Variants in ERMP1 observed in about 807,000 individuals in gnomAD.
ERMP1 encodes the protein endoplasmic reticulum metallopeptidase 1.
Under a neutral mutation model 92.0 loss-of-function variants are expected in ERMP1, and 86 were observed. The observed-to-expected ratio is 0.93, with a 90% confidence interval of 0.79 to 1.12. ERMP1 has a LOEUF of 1.12. ERMP1 is among the 50% of genes most tolerant of loss of function. The pLI is 0.00. For missense variants in ERMP1, 1,342 were observed against 1,116.3 expected (o/e 1.20, Z -2.88); for synonymous variants, 530 against 412.8 (o/e 1.28, Z -3.44).
chr9:5,829,398 T>C (rs562485744), intron 2 of ERMP1, among the ~76,000 whole-genome samples: 1 of 152,312 alleles, frequency 6.6e-6, no homozygotes, highest in East Asian at 1.9e-4. Flanking sequence ...ATCAAGCAAA[T>C]AAATTTTACT....
chr9:5,860,225 A>C lies in ERMP1; in HGVS notation n.3056-614T>G, dbSNP rs190268678. On this transcript the variant is annotated intron_variant and non_coding_transcript_variant, in intron 5 of 6. Transcript: ENST00000690753. ...GAGGCTGAGTCAGGAGGATTGCTTG[A>C]GCCCAGGAAATAGAGGTTGCAGTAA... Among the ~76,000 whole-genome samples, 80 of 151,412 alleles carry C rather than the reference A, an allele frequency of 5.3e-4. No homozygotes were observed. In the South Asian group the frequency reaches 5.8e-3, roughly 11 times the overall value.
chr9:5,863,764 G>T lies in ERMP1; in HGVS notation n.3055+4038C>A, dbSNP rs140360826. On this transcript the variant is annotated intron_variant and non_coding_transcript_variant, in intron 5 of 6. Transcript: ENST00000690753. ...TACATGTATTCATCATCAAAACTTAGCAGACATATGTGTATCTTTTATTAT... is the reference window on the plus strand; with the variant it reads ...TACATGTATTCATCATCAAAACTTATCAGACATATGTGTATCTTTTATTAT... Among the ~76,000 whole-genome samples the T allele has an allele frequency of 4.1e-3, 626 of 152,248 alleles. 14 individuals are homozygous for T. The highest frequency in any genetic ancestry group is 1.5e-3 in the Non-Finnish European group (100 of 68,018).
At chr9:5,801,083 G>T (rs1246248577) in intron 11 of ERMP1, 93 bp downstream of exon 11, 3 of 1,368,842 alleles carry the variant, frequency 2.2e-6, no homozygotes, top group Non-Finnish European at 3.0e-6. Context: ...GTCAACAGCA[G>T]AAAAGTCAGC....
In ERMP1 at chr9:5,786,984, C is replaced by A; in HGVS notation, c.*160G>T. On this transcript the variant is annotated 3_prime_UTR_variant, in exon 15 of 15. Coordinates refer to ENST00000339450, the MANE Select transcript of ERMP1 (RefSeq NM_024896.3). Reference sequence around the variant, plus strand: ...TGCATCACTGCGCCACAGCTAAACCCTTATAGTGCTTGGCCCTGAAAAGCG... The same window carrying A: ...TGCATCACTGCGCCACAGCTAAACCATTATAGTGCTTGGCCCTGAAAAGCG... 1.5e-6 allele frequency: 1 copy of A among 688,278 alleles called. No homozygotes were observed. Among genetic ancestry groups the A allele is most frequent in the Non-Finnish European group, 2.3e-6 (1 of 429,602 alleles). 42.6% of individuals were successfully genotyped at this position (688,278 alleles called of 1,614,324 possible).
intron 6 of ERMP1, among the ~76,000 whole-genome samples, chr9:5,850,011 G>C (rs1167740247): frequency 6.6e-6 from 1 of 152,158 alleles, no homozygotes; most frequent in Non-Finnish European, 1.5e-5. Context: ...AGGCACCACA[G>C]GTTATTTCTT....
chr9:5,821,074 C>A (rs1212083875), intron 4 of ERMP1, among the ~76,000 whole-genome samples: 1 of 152,088 alleles, frequency 6.6e-6, no homozygotes, highest in Non-Finnish European at 1.5e-5. Flanking sequence ...GTATGACACC[C>A]CTCCAAAAAA....
upstream of ERMP1, among the ~76,000 whole-genome samples, chr9:5,836,012 A>G (rs79339884): frequency 0.03 from 4,587 of 152,306 alleles, 115 homozygotes; most frequent in Middle Eastern, 0.11. Context: ...GCTATTGATC[A>G]TGGGGTTGAG....
chr9:5,855,568 T>C (rs1227331656), intron 6 of ERMP1, among the ~76,000 whole-genome samples: 1 of 152,258 alleles, frequency 6.6e-6, no homozygotes, highest in Non-Finnish European at 1.5e-5. Flanking sequence ...AGTTGCTTTC[T>C]TGTGGAGGTA....
chr9:5,861,649 C>T (rs143683832), intron 5 of ERMP1, among the ~76,000 whole-genome samples: 49 of 151,488 alleles, frequency 3.2e-4, no homozygotes, highest in African/African-American at 1.1e-3. Context: ...CAGTAAGGGG[C>T]CCTAGGGCTC....
intron 11 of ERMP1, 151 bp from the exon 12 acceptor site, chr9:5,799,159 C>T (rs1432018306): frequency 3.4e-6 from 2 of 587,404 alleles, no homozygotes; most frequent in South Asian, 2.2e-5. Context: ...GTACTGCTAG[C>T]GTTCTTTATT....
chr9:5,833,014 G>T lies in ERMP1; in HGVS notation c.14C>A (p.Ser5Tyr). 6.5e-7 allele frequency: 1 copy of T among 1,547,056 alleles called. No homozygotes were observed. Among genetic ancestry groups the T allele is most frequent in the Non-Finnish European group, 8.6e-7 (1 of 1,157,266 alleles). Residue 5 changes from serine to tyrosine, a missense_variant, in exon 1 of 15, where the codon TCT becomes TAT. By Grantham distance (144) the Ser-to-Tyr change is moderately radical (BLOSUM62 -2). Transcript: ENST00000339450. MEWG[S>Y]ESAAVRRHRV... ...GTGCCGCCTCACAGCAGCCGACTCAGAACCCCACTCCATGGCCACGAGCCT... is the reference window on the plus strand; with the variant it reads ...GTGCCGCCTCACAGCAGCCGACTCATAACCCCACTCCATGGCCACGAGCCT...
At chr9:5,797,787 G>A in intron 13 of ERMP1, 30 bp downstream of exon 13, 1 of 1,317,648 alleles carries the variant, frequency 7.6e-7, no homozygotes, top group South Asian at 1.3e-5. Context: ...AGAAATAAAG[G>A]AGGGGAGAAA....
chr9:5,805,748 T>A lies in ERMP1; in HGVS notation c.1586A>T (p.Asp529Val). The A allele has an allele frequency of 1.9e-6, 3 of 1,609,618 alleles. No homozygotes were observed. Among genetic ancestry groups the A allele is most frequent in the Non-Finnish European group, 2.5e-6 (3 of 1,178,682 alleles). ...ACAGCAATGGACAAACAGCGAAATG[T>A]CAAAAAATACTTCTCCCAGATACTG... ...SAQYLGEVFF[D>V]ISLFVHCCFL... Residue 529 changes from aspartate (D) to valine (V), a missense_variant, in exon 9 of 15, where the codon GAC (aspartate) becomes GTC (valine). By Grantham distance (152) the Asp-to-Val change is radical. Coordinates refer to ENST00000339450, the MANE Select transcript of ERMP1 (RefSeq NM_024896.3).
In ERMP1 at chr9:5,817,908, A is replaced by C. The variant is rs140471434; in HGVS notation, c.875-4873T>G. 2.8e-4 allele frequency among the ~76,000 whole-genome samples: 43 copies of C among 152,348 alleles called. 2 individuals are homozygous for C. The East Asian group carries it at 8.1e-3, about 29-fold the overall frequency. ...GAGACTAAGAGTGGTAAATATTATG[A>C]TGGAAGCCAAGTAACATGAGGCCTG... On this transcript the variant is annotated intron_variant, in intron 4 of 14. Coordinates refer to ENST00000339450, the MANE Select transcript of ERMP1 (RefSeq NM_024896.3).
At chr9:5,829,833 T>C (rs16923544) in intron 2 of ERMP1, among the ~76,000 whole-genome samples, 5,083 of 152,306 alleles carry the variant, frequency 0.033, 118 homozygotes, top group Middle Eastern at 0.1. Flanking sequence ...TAAAATGCTA[T>C]GCCATTGTAA....
intron 6 of ERMP1, among the ~76,000 whole-genome samples, chr9:5,847,251 A>T (rs3929920): frequency 0.37 from 56,653 of 151,946 alleles, 10,751 homozygotes; most frequent in East Asian, 0.55. Flanking sequence ...ACTGATTGTG[A>T]TGCTCGATGT....
At chr9:5,809,268 C>T (rs2131234544) in intron 8 of ERMP1, among the ~76,000 whole-genome samples, 1 of 151,776 alleles carries the variant, frequency 6.6e-6, no homozygotes, top group South Asian at 2.1e-4. Flanking sequence ...GATCCGCCCA[C>T]CTCAGCCTCC....
At chr9:5,843,938 T>A (rs548645401) in intron 6 of ERMP1, among the ~76,000 whole-genome samples, 1 of 152,204 alleles carries the variant, frequency 6.6e-6, no homozygotes, top group African/African-American at 2.4e-5. Context: ...GAGCAGTGCA[T>A]CCTGGAACCG....
intron 4 of ERMP1, among the ~76,000 whole-genome samples, chr9:5,816,821 C>T (rs916148390): frequency 3.3e-5 from 5 of 151,650 alleles, no homozygotes; most frequent in Non-Finnish European, 7.4e-5. Context: ...ATGACCTGTC[C>T]AAGGTTCCAC....
Sources: allele counts gnomAD v4.1 joint callset (sites outside exome capture counted in the v4.1 genomes callset), GRCh38; gene constraint gnomAD v4.1.1; transcripts MANE v1.5; gene names NCBI Gene and HGNC (gene_info 2026-07-23, HGNC 2026-07-21).